Variants in SOBP observed in about 807,000 individuals in gnomAD.
SOBP encodes sine oculis binding protein homolog, also known as sine oculis-binding protein homolog.
Under a neutral mutation model 53.6 loss-of-function variants are expected in SOBP, and 4 were observed. That is an observed-to-expected ratio of 0.07 (90% CI 0.04 to 0.17). SOBP has a LOEUF of 0.17. SOBP is among the 10% of genes least tolerant of loss of function. The pLI is 1.00. For synonymous variants in SOBP, 584 were observed against 522.6 expected, an observed-to-expected ratio of 1.12 and a Z score of -1.60; for missense variants, 1,088 against 1,204.7, an observed-to-expected ratio of 0.90 and a Z score of 1.43.
intron 4 of SOBP, among the ~76,000 whole-genome samples, chr6:107,540,346 C>T (rs3923954): frequency 0.58 from 89,005 of 152,216 alleles, 29,474 homozygotes; most frequent in East Asian, 0.9. Context: ...CTTTGTTCCT[C>T]GGGCTCTTTG....
chr6:107,628,027 G>A (rs1770537129), intron 5 of SOBP, among the ~76,000 whole-genome samples: 1 of 152,216 alleles, frequency 6.6e-6, no homozygotes, highest in Non-Finnish European at 1.5e-5. Flanking sequence ...TCCTTTGGAA[G>A]ATAGTTCTGC....
intron 4 of SOBP, among the ~76,000 whole-genome samples, chr6:107,563,779 G>A (rs542849697): frequency 6.6e-6 from 1 of 152,258 alleles, no homozygotes; most frequent in South Asian, 2.1e-4. Context: ...TTGGCTTGAG[G>A]GGATGCAGCC....
At chr6:107,552,306 A>G (rs1784481678) in intron 4 of SOBP, among the ~76,000 whole-genome samples, 2 of 152,200 alleles carry the variant, frequency 1.3e-5, no homozygotes, top group African/African-American at 4.8e-5. Context: ...TTAAGTATGC[A>G]TTTGTCTTGA....
chr6:107,563,676 T>G (rs1035839867), intron 4 of SOBP, among the ~76,000 whole-genome samples: 8 of 151,126 alleles, frequency 5.3e-5, no homozygotes, highest in Non-Finnish European at 1.0e-4. Context: ...TTATTTCTAT[T>G]GAAAAAAAAA....
chr6:107,607,079 C>T (rs1383398890), intron 5 of SOBP, among the ~76,000 whole-genome samples: 2 of 152,180 alleles, frequency 1.3e-5, no homozygotes, highest in African/African-American at 2.4e-5. Context: ...GTCCCAGGGA[C>T]GTGCTCTGGG....
intron 5 of SOBP, among the ~76,000 whole-genome samples, chr6:107,589,929 TGTA>T (rs1785690492): frequency 6.6e-6 from 1 of 152,094 alleles, no homozygotes; most frequent in Non-Finnish European, 1.5e-5. Flanking sequence ...TAAAAGAAAA[TGTA>T]GGAAATTTCT....
At chr6:107,503,015 C>G (rs1307543670) in intron 1 of SOBP, among the ~76,000 whole-genome samples, 1 of 152,166 alleles carries the variant, frequency 6.6e-6, no homozygotes, top group African/African-American at 2.4e-5. Flanking sequence ...TCTGCCTCAG[C>G]CTTCCAAAGT....
intron 4 of SOBP, chr6:107,558,146 G>A (rs1277391610): frequency 6.6e-6 from 1 of 152,052 alleles, no homozygotes; most frequent in Non-Finnish European, 1.5e-5. Context: ...GATCTTCCTT[G>A]CAAACTTGGT....
chr6:107,494,967 A>T (rs1782663744), intron 1 of SOBP, among the ~76,000 whole-genome samples: 1 of 152,244 alleles, frequency 6.6e-6, no homozygotes, highest in Non-Finnish European at 1.5e-5. Flanking sequence ...AGAGAGAGAG[A>T]GAAATCAGAG....
chr6:107,622,021 A>G (rs1275021225), intron 5 of SOBP, among the ~76,000 whole-genome samples: 1 of 152,196 alleles, frequency 6.6e-6, no homozygotes, highest in Non-Finnish European at 1.5e-5. Context: ...TAACAGAATA[A>G]AGGGTAAGTA....
chr6:107,619,358 G>A (rs1277520123), intron 5 of SOBP, among the ~76,000 whole-genome samples: 1 of 152,156 alleles, frequency 6.6e-6, no homozygotes, highest in Non-Finnish European at 1.5e-5. Flanking sequence ...GAAAAGCTGG[G>A]GAAACTCTGG....
At chr6:107,587,451 A>G (rs1400090697) in intron 5 of SOBP, among the ~76,000 whole-genome samples, 1 of 152,160 alleles carries the variant, frequency 6.6e-6, no homozygotes, top group East Asian at 1.9e-4. Flanking sequence ...ATGGCTAGTA[A>G]AGTTAAAAAT....
intron 5 of SOBP, among the ~76,000 whole-genome samples, chr6:107,613,168 A>G (rs1362249158): frequency 6.6e-6 from 1 of 152,204 alleles, no homozygotes; most frequent in Non-Finnish European, 1.5e-5. Flanking sequence ...TTAAACAGGA[A>G]CTCAGAACGC....
chr6:107,617,887 G>A (rs575527322), intron 5 of SOBP, among the ~76,000 whole-genome samples: 1 of 146,592 alleles, frequency 6.8e-6, no homozygotes. Flanking sequence ...GAGTGCAGTG[G>A]CACGATCTCA....
intron 5 of SOBP, among the ~76,000 whole-genome samples, chr6:107,627,827 CTA>C (rs1770530119): frequency 6.6e-6 from 1 of 152,228 alleles, no homozygotes; most frequent in Non-Finnish European, 1.5e-5. Context: ...CTTTGCATGT[CTA>C]TGACTAGGTC....
chr6:107,629,083 A>G lies in SOBP; in HGVS notation c.670-4431A>G, dbSNP rs947742233. Among the ~76,000 whole-genome samples the G allele has an allele frequency of 4.6e-5, 7 of 152,308 alleles. No homozygotes were observed. In the South Asian group the frequency reaches 8.3e-4, roughly 18 times the overall value. On this transcript the variant is annotated intron_variant, in intron 5 of 6. Transcript: ENST00000317357. ...GCCCAGAGAACCTCCCTTTTATGAT[A>G]AGCTACAGTTTTGCTTAAGGAGCTA...
intron 6 of SOBP, among the ~76,000 whole-genome samples, chr6:107,640,696 A>G (rs997560300): frequency 2.0e-5 from 3 of 152,234 alleles, no homozygotes; most frequent in Non-Finnish European, 4.4e-5. Context: ...ATGTACAAGC[A>G]TCCAACTTTT....
intron 6 of SOBP, among the ~76,000 whole-genome samples, chr6:107,657,178 G>T (rs1380059390): frequency 6.6e-6 from 1 of 152,222 alleles, no homozygotes; most frequent in Non-Finnish European, 1.5e-5. Context: ...GCTGCTCCCA[G>T]AACTGACTGA....
intron 2 of SOBP, among the ~76,000 whole-genome samples, chr6:107,505,599 A>C (rs528276754): frequency 2.7e-4 from 41 of 151,642 alleles, no homozygotes; most frequent in African/African-American, 9.9e-4. Context: ...CTGGGATTAC[A>C]GGTCTGAGCC....
Sources: allele counts gnomAD v4.1 joint callset (sites outside exome capture counted in the v4.1 genomes callset), GRCh38; gene constraint gnomAD v4.1.1; transcripts MANE v1.5; gene names NCBI Gene and HGNC (gene_info 2026-07-23, HGNC 2026-07-21).